Variants in FSTL5 observed in about 807,000 individuals in gnomAD.
FSTL5 encodes follistatin-related protein 5.
A neutral mutation model predicts 89.1 loss-of-function variants in FSTL5; 62 were observed. The observed-to-expected ratio is 0.70, with a 90% CI of 0.57 to 0.86. The LOEUF is 0.86. FSTL5 is among the 40% of genes least tolerant of loss of function. The pLI is 0.00. For missense variants in FSTL5, 1,057 were observed against 1,001.6 expected (o/e 1.06, Z -0.75); for synonymous variants, 383 against 346.2 (o/e 1.11, Z -1.18).
At chr4:161,615,274 AC>A (rs1734811052) in intron 7 of FSTL5, among the ~76,000 whole-genome samples, 1 of 118,028 alleles carries the variant, frequency 8.5e-6, no homozygotes, top group African/African-American at 3.3e-5. Context: ...AGCCTGGGCA[AC>A]AGAGGGAGAC....
intron 1 of FSTL5, among the ~76,000 whole-genome samples, chr4:162,126,395 T>G (rs1426127111): frequency 6.6e-6 from 1 of 152,148 alleles, no homozygotes; most frequent in East Asian, 1.9e-4. Flanking sequence ...TTGTGGCATT[T>G]AAAACATGAT....
intron 2 of FSTL5, among the ~76,000 whole-genome samples, chr4:162,034,931 T>C (rs1021679670): frequency 3.9e-5 from 6 of 152,192 alleles, no homozygotes; most frequent in Non-Finnish European, 7.4e-5. Flanking sequence ...CCAACCTCTG[T>C]GTTTGAATTC....
chr4:161,470,288 G>T (rs1733892692), intron 13 of FSTL5, among the ~76,000 whole-genome samples: 1 of 151,888 alleles, frequency 6.6e-6, no homozygotes, highest in Non-Finnish European at 1.5e-5. Flanking sequence ...GTTATGTAAG[G>T]TTCCAACTTC....
In FSTL5 at chr4:161,992,864, AT is replaced by A. The variant is rs1736157289; in HGVS notation, c.160+40760del. ...CTCCATCTCAAAAAAAAAAAAAAAT[AT>A]ATATATATATATATATATATATATA... On this transcript the variant is annotated intron_variant, in intron 3 of 15. Transcript: ENST00000306100. 8.8e-4 allele frequency among the ~76,000 whole-genome samples: 58 copies of A among 65,560 alleles called. 1 individual carries two copies. Among genetic ancestry groups the A allele is most frequent in the South Asian group, 2.1e-3 (4 of 1,872 alleles). The allele number at this position is 65,560 out of a possible 152,430, so 43.0% of individuals were successfully genotyped here.
At chr4:161,859,219 G>C (rs1579147569) in intron 4 of FSTL5, among the ~76,000 whole-genome samples, 1 of 152,146 alleles carries the variant, frequency 6.6e-6, no homozygotes, top group Non-Finnish European at 1.5e-5. Flanking sequence ...TTCTATCTTA[G>C]AGGAATAGAT....
chr4:161,564,653 CATG>C (rs1249877342), intron 8 of FSTL5, among the ~76,000 whole-genome samples: 2 of 151,410 alleles, frequency 1.3e-5, no homozygotes, highest in African/African-American at 4.8e-5. Flanking sequence ...TTTATTAATA[CATG>C]ATAATTACTG....
intron 8 of FSTL5, among the ~76,000 whole-genome samples, chr4:161,566,463 T>C (rs1388804507): frequency 2.6e-5 from 4 of 151,934 alleles, no homozygotes; most frequent in Non-Finnish European, 5.9e-5. Context: ...TTCTCTTGGG[T>C]ATATGCCCAG....
intron 3 of FSTL5, among the ~76,000 whole-genome samples, chr4:161,946,297 C>T (rs1578882629): frequency 6.6e-6 from 1 of 152,232 alleles, no homozygotes; most frequent in East Asian, 1.9e-4. Flanking sequence ...TGTCCTTCTC[C>T]CACCTACTTC....
At chr4:161,610,892 G>T (rs1254787658) in intron 7 of FSTL5, among the ~76,000 whole-genome samples, 1 of 151,722 alleles carries the variant, frequency 6.6e-6, no homozygotes, top group African/African-American at 2.4e-5. Flanking sequence ...AACTATGCTA[G>T]ATCTAGATGC....
At chr4:161,850,464 A>G (rs1235435386) in intron 4 of FSTL5, among the ~76,000 whole-genome samples, 2 of 152,104 alleles carry the variant, frequency 1.3e-5, no homozygotes, top group Middle Eastern at 3.2e-3. Flanking sequence ...TCTCATGCAA[A>G]AATACGTGTG....
intron 8 of FSTL5, among the ~76,000 whole-genome samples, chr4:161,582,435 T>G (rs1733468716): frequency 6.6e-6 from 1 of 152,202 alleles, no homozygotes; most frequent in Admixed American, 6.5e-5. Flanking sequence ...TCCAGTATTG[T>G]TCCTCGTTCC....
At chr4:161,813,608 G>A (rs1027727581) in intron 4 of FSTL5, among the ~76,000 whole-genome samples, 1 of 152,194 alleles carries the variant, frequency 6.6e-6, no homozygotes, top group African/African-American at 2.4e-5. Context: ...TGTGGGCTGT[G>A]TACTGGTGTG....
At chr4:162,023,217 C>G (rs1270101653) in intron 3 of FSTL5, among the ~76,000 whole-genome samples, 1 of 152,106 alleles carries the variant, frequency 6.6e-6, no homozygotes, top group Non-Finnish European at 1.5e-5. Context: ...GACCTGCAAT[C>G]TAAGACTCAG....
At chr4:161,787,570 C>T (rs182943385) in intron 4 of FSTL5, among the ~76,000 whole-genome samples, 338 of 152,104 alleles carry the variant, frequency 2.2e-3, no homozygotes, top group Middle Eastern at 0.017. Context: ...CTTCTTGATA[C>T]GGGAAAGTAT....
chr4:162,093,564 C>G (rs1430955447), intron 2 of FSTL5, among the ~76,000 whole-genome samples: 3 of 151,932 alleles, frequency 2.0e-5, no homozygotes, highest in African/African-American at 7.3e-5. Context: ...AAAAAATACA[C>G]AAATATGAAA....
intron 7 of FSTL5, among the ~76,000 whole-genome samples, chr4:161,601,331 A>G (rs949883141): frequency 9.8e-5 from 6 of 61,524 alleles, no homozygotes; most frequent in Non-Finnish European, 2.5e-4. Flanking sequence ...AATAGTTGGA[A>G]AAAAAAAAAA....
At chr4:161,487,262 G>A (rs191409212) in intron 12 of FSTL5, among the ~76,000 whole-genome samples, 4 of 152,220 alleles carry the variant, frequency 2.6e-5, no homozygotes, top group Admixed American at 2.0e-4. Context: ...AGAAAAAATA[G>A]TCAAGAAGTG....
intron 7 of FSTL5, among the ~76,000 whole-genome samples, chr4:161,606,663 A>C (rs1051654063): frequency 1.3e-5 from 2 of 152,136 alleles, no homozygotes; most frequent in Non-Finnish European, 2.9e-5. Context: ...TCGTTTTCTT[A>C]AGAAATAATG....
chr4:162,144,204 A>C (rs897540339), intron 1 of FSTL5, among the ~76,000 whole-genome samples: 1 of 152,208 alleles, frequency 6.6e-6, no homozygotes, highest in Non-Finnish European at 1.5e-5. Context: ...ATCCAAAGTT[A>C]GTGAACTTTC....
Sources: allele counts gnomAD v4.1 joint callset (sites outside exome capture counted in the v4.1 genomes callset), GRCh38; gene constraint gnomAD v4.1.1; transcripts MANE v1.5; gene names NCBI Gene and HGNC (gene_info 2026-07-23, HGNC 2026-07-21).